The following SPECC1L variants were observed in gnomAD, a reference collection of about 807,000 sequenced individuals.
SPECC1L encodes cytospin-A.
SPECC1L carries 40 observed loss-of-function variants against 116.8 expected under a neutral mutation model. The observed-to-expected ratio is 0.34, with a 90% confidence interval of 0.27 to 0.45. The LOEUF (loss-of-function observed/expected upper bound fraction) is 0.45, where lower values mean the gene tolerates loss of function less well. SPECC1L is among the 20% of genes least tolerant of loss of function. The pLI is 1.00. For missense variants in SPECC1L, 1,110 were observed against 1,373.6 expected (o/e 0.81, Z 3.03); for synonymous variants, 504 against 500.6 (o/e 1.01, Z -0.09).
intron 2 of SPECC1L, among the ~76,000 whole-genome samples, chr22:24,278,997 T>C (rs1331975074): frequency 1.3e-5 from 2 of 152,208 alleles, no homozygotes; most frequent in African/African-American, 2.4e-5. Context: ...ATAGACACTC[T>C]TCACAAAAGG....
At chr22:24,316,272 C>T (rs1034417566) in intron 4 of SPECC1L, among the ~76,000 whole-genome samples, 2 of 126,924 alleles carry the variant, frequency 1.6e-5, no homozygotes, top group African/African-American at 6.4e-5. Context: ...AACAGATTTT[C>T]TTTTTATTTA....
intron 11 of SPECC1L, among the ~76,000 whole-genome samples, chr22:24,361,118 C>T (rs2041634530): frequency 6.6e-6 from 1 of 152,204 alleles, no homozygotes; most frequent in African/African-American, 2.4e-5. Context: ...TAAATTTTAG[C>T]CAGACTTGGT....
rs560078737 is a variant in SPECC1L at position 24,284,050 on chromosome 22, T to C, written c.-38+7247T>C. On this transcript the variant is annotated intron_variant, in intron 2 of 16. Coordinates refer to ENST00000314328, the MANE Select transcript of SPECC1L (RefSeq NM_015330.6). Reference sequence around the variant, plus strand: ...TCCTCTCAACCCATTTTTTGTTTCATTGATCTCTGTTTTACGTTTTCTATT... The same window carrying C: ...TCCTCTCAACCCATTTTTTGTTTCACTGATCTCTGTTTTACGTTTTCTATT... Among the ~76,000 whole-genome samples the C allele has an allele frequency of 1.0e-3, 156 of 152,312 alleles. 2 individuals are homozygous for C. The South Asian group carries it at 0.031, about 30-fold the overall frequency.
At chr22:24,301,933 C>A (rs149317771) in intron 2 of SPECC1L, among the ~76,000 whole-genome samples, 9,983 of 151,950 alleles carry the variant, frequency 0.066, 430 homozygotes, top group Non-Finnish European at 0.091. Flanking sequence ...GTAGTCCCAA[C>A]TACTCGGAAG....
chr22:24,329,518 G>A (rs560264687), intron 7 of SPECC1L, among the ~76,000 whole-genome samples: 1 of 152,372 alleles, frequency 6.6e-6, no homozygotes, highest in East Asian at 1.9e-4. Context: ...TAGGGAGAAA[G>A]CTACTCAGTC....
At chr22:24,388,135 G>C (rs560716247) in intron 14 of SPECC1L, among the ~76,000 whole-genome samples, 1 of 151,894 alleles carries the variant, frequency 6.6e-6, no homozygotes, top group Non-Finnish European at 1.5e-5. Context: ...ACAACGTGCA[G>C]GTTAGTTACA....
intron 1 of SPECC1L, among the ~76,000 whole-genome samples, chr22:24,273,356 CT>C (rs759269297): frequency 2.0e-5 from 3 of 152,022 alleles, no homozygotes; most frequent in Non-Finnish European, 4.4e-5. Flanking sequence ...TATTGGGAGT[CT>C]TTTATACAAT....
At chr22:24,323,511 C>T (rs577934089) in intron 5 of SPECC1L, among the ~76,000 whole-genome samples, 2 of 152,304 alleles carry the variant, frequency 1.3e-5, no homozygotes, top group Middle Eastern at 3.4e-3. Flanking sequence ...GGAACTGCTA[C>T]CCAGGGCCAC....
chr22:24,347,290 A>G, intron 11 of SPECC1L, 114 bp downstream of exon 11: 3 of 778,148 alleles, frequency 3.9e-6, no homozygotes, highest in Non-Finnish European at 4.5e-6. Flanking sequence ...TCAATCTGGT[A>G]TACCTTTGTA....
intron 2 of SPECC1L, among the ~76,000 whole-genome samples, chr22:24,290,984 G>C (rs1287696792): frequency 1.3e-5 from 2 of 152,136 alleles, no homozygotes; most frequent in African/African-American, 4.8e-5. Flanking sequence ...TTCACTTTCT[G>C]ACTCTGAAGT....
intron 11 of SPECC1L, among the ~76,000 whole-genome samples, chr22:24,357,637 T>C (rs2041558423): frequency 6.6e-6 from 1 of 152,210 alleles, no homozygotes; most frequent in East Asian, 1.9e-4. Context: ...CTTAGGTCTT[T>C]AAATGTGGGA....
intron 14 of SPECC1L, among the ~76,000 whole-genome samples, chr22:24,379,928 A>G (rs1346181616): frequency 1.3e-5 from 2 of 152,196 alleles, no homozygotes; most frequent in African/African-American, 4.8e-5. Context: ...CAATGGCACA[A>G]TCTCGGCTCA....
intron 2 of SPECC1L, among the ~76,000 whole-genome samples, chr22:24,280,726 T>C (rs901008272): frequency 6.7e-6 from 1 of 149,870 alleles, no homozygotes; most frequent in African/African-American, 2.5e-5. Context: ...TATAGGCATT[T>C]GCCACCGCCC....
At chr22:24,375,533 G>A (rs1038351342) in intron 14 of SPECC1L, among the ~76,000 whole-genome samples, 1 of 152,136 alleles carries the variant, frequency 6.6e-6, no homozygotes, top group Non-Finnish European at 1.5e-5. Context: ...TTAGAATAAA[G>A]GGGAAAAAAC....
At chr22:24,282,978 A>G (rs1448933268) in intron 2 of SPECC1L, among the ~76,000 whole-genome samples, 3 of 151,780 alleles carry the variant, frequency 2.0e-5, no homozygotes, top group African/African-American at 7.3e-5. Flanking sequence ...GGGTTTCACC[A>G]TGTTGGCCAG....
chr22:24,275,266 C>T (rs1237432442), intron 1 of SPECC1L, among the ~76,000 whole-genome samples: 3 of 152,242 alleles, frequency 2.0e-5, no homozygotes, highest in Non-Finnish European at 2.9e-5. Flanking sequence ...GGCAGTGTTA[C>T]AGAGGAAGTG....
chr22:24,311,804 C>CAA (rs915422222), intron 3 of SPECC1L, among the ~76,000 whole-genome samples: 330 of 45,286 alleles, frequency 7.3e-3, no homozygotes, highest in East Asian at 0.015. Flanking sequence ...GACTTTGTCT[C>CAA]AAAAAAAAAA....
Position 24,302,335 on chromosome 22 carries a change from C to G in SPECC1L, c.104C>G (p.Ser35Cys), listed in dbSNP as rs1601521246. 4 of 1,614,140 alleles carry G rather than the reference C, an allele frequency of 2.5e-6. No homozygotes were observed. The highest frequency in any genetic ancestry group is 1.3e-5 in the African/African-American group (1 of 75,050). The change falls in exon 3 of 17, where the codon TCT becomes TGT. Residue 35 changes from serine (S) to cysteine (C), a missense_variant. Transcript: ENST00000314328. The part of the protein sequence containing the change: ...KIKPENSSSA[S>C]TGGKLVKPGT... ...AAACCTGAAAACAGCTCTTCAGCAT[C>G]TACGGGAGGCAAACTTGTAAAACCT... is the stretch of plus-strand genomic sequence containing the variant.
intron 2 of SPECC1L, among the ~76,000 whole-genome samples, chr22:24,298,674 C>T (rs2049315296): frequency 6.6e-6 from 1 of 152,208 alleles, no homozygotes; most frequent in East Asian, 1.9e-4. Context: ...CAGTTTGAGT[C>T]AGACGGCAAG....
Sources: allele counts gnomAD v4.1 joint callset (sites outside exome capture counted in the v4.1 genomes callset), GRCh38; gene constraint gnomAD v4.1.1; transcripts MANE v1.5; gene names NCBI Gene and HGNC (gene_info 2026-07-23, HGNC 2026-07-21).